The following RASAL3 variants were observed in gnomAD, a reference collection of about 807,000 sequenced individuals.
The protein encoded by RASAL3 is RAS protein activator like-3.
A neutral mutation model predicts 105.5 loss-of-function variants in RASAL3; 74 were observed. The ratio of observed to expected loss-of-function variants is 0.70; its 90% CI spans 0.58 to 0.85. The LOEUF (loss-of-function observed/expected upper bound fraction) is 0.85. Ranked by LOEUF, RASAL3 falls within the 40% of genes least tolerant of loss-of-function variation. The probability of loss-of-function intolerance (pLI) is 0.00; values close to 1 mark genes in which losing one functional copy is unlikely to be tolerated. For synonymous variants in RASAL3, 579 were observed against 591.6 expected, an observed-to-expected ratio of 0.98 and a Z score of 0.31; for missense variants, 1,352 against 1,392.0, an observed-to-expected ratio of 0.97 and a Z score of 0.46.
In RASAL3 at chr19:15,457,346, CT is replaced by C; in HGVS notation, c.1376del (p.Lys459ArgfsTer22). ...GCACCATGGCTGCCGCCAGCTCCTC[CT>C]TGGCCTGCGCAGGCAGCGCGGGCTC... ...ALEPALPAQA[K>X]EELAAAMVRV... On this transcript the variant is annotated frameshift_variant, in exon 9 of 18. Coordinates refer to ENST00000343625, the MANE Select transcript of RASAL3 (RefSeq NM_022904.3). LOFTEE classifies it high-confidence loss of function. The surrounding 1 kb of genome is among the most constrained non-coding windows in gnomAD (Gnocchi z 8.6). 1 of 1,403,170 alleles carries C rather than the reference CT, an allele frequency of 7.1e-7. No individual in the cohort carries two copies. The highest frequency in any genetic ancestry group is 3.2e-5 in the East Asian group (1 of 31,536). 86.9% of individuals were successfully genotyped at this position (1,403,170 alleles called of 1,614,324 possible). A position where few individuals can be genotyped will look rare whatever the true frequency, so the allele number is the denominator to read the frequency against.
chr19:15,456,653 A>C lies in RASAL3; in HGVS notation c.1432-7T>G. 6.2e-7 allele frequency: 1 copy of C among 1,610,360 alleles called. No individual in the cohort carries two copies. The highest frequency in any genetic ancestry group is 8.5e-7 in the Non-Finnish European group (1 of 1,179,068). ...CCAGGTCAGTCACCAGCGCCTAGGA[A>C]GGGCAGGAGGTCAGGTTGCACCAGA... On this transcript the variant is annotated splice_region_variant and splice_polypyrimidine_tract_variant and intron_variant, in intron 9 of 17. Transcript: ENST00000343625. The surrounding 1 kb of genome is among the most constrained non-coding windows in gnomAD (Gnocchi z 4.4).
At position 15,457,778 on chromosome 19, in the gene RASAL3, C is replaced by A. The variant is rs1030997185; in HGVS notation, c.945G>T (p.Gly315=). The change falls in exon 9 of 18, where the codon GGG becomes GGT. Residue 315 remains glycine (G), a synonymous_variant. Coordinates refer to ENST00000343625, the MANE Select transcript of RASAL3 (RefSeq NM_022904.3). The surrounding 1 kb of genome is among the most constrained non-coding windows in gnomAD (Gnocchi z 8.6). ...WLSVWVHEAK[G]LPRAAAGAPG... is the part of the protein sequence containing the mutation. The stretch of plus-strand genomic sequence containing the variant: ...GTGCCCCCGCCGCTGCTCGGGGAAG[C>A]CCCTTCGCTTCGTGCACCCACACGC... 6.5e-7 allele frequency: 1 copy of A among 1,547,860 alleles called. No individual in the cohort carries two copies. The highest frequency in any genetic ancestry group is 2.0e-5 in the Admixed American group (1 of 50,974).
Position 15,457,551 on chromosome 19 carries a change from T to C in RASAL3, c.1172A>G (p.Asp391Gly), listed in dbSNP as rs556008811. ...ACCGGCGGCAGGCGCGCGTGGGGCG[T>C]CCAGCTCCTCCAGCGCCAGGGCCAC... ...GRVALALEEL[D>G]APRAPAAGLE... Residue 391 changes from aspartate to glycine, a missense_variant, in exon 9 of 18, where the codon GAC becomes GGC. Transcript: ENST00000343625. This position sits in a 1 kb window ranked among gnomAD's most constrained non-coding sequence, Gnocchi z 8.6. The C allele has an allele frequency of 2.8e-3, 3,200 of 1,155,942 alleles. 71 individuals carry two copies. In the African/African-American group the frequency reaches 0.047, roughly 17 times the overall value. 71.6% of individuals were successfully genotyped at this position (1,155,942 alleles called of 1,614,324 possible). A position where few individuals can be genotyped will look rare whatever the true frequency, so the allele number is the denominator to read the frequency against.
At position 15,453,550 on chromosome 19, in the gene RASAL3, C is replaced by A. The variant is rs940881324; in HGVS notation, c.2280-53G>T. Reference sequence around the variant, plus strand: ...CCTCCACTGGCCCCTGAGACGACCCCATCCCGACCTGACCAGAAGTGACCT... The same window carrying A: ...CCTCCACTGGCCCCTGAGACGACCCAATCCCGACCTGACCAGAAGTGACCT... On this transcript the variant is annotated intron_variant, in intron 14 of 17. Transcript: ENST00000343625. The surrounding 1 kb of genome is among the most constrained non-coding windows in gnomAD (Gnocchi z 4.2). The A allele has an allele frequency of 2.9e-5, 42 of 1,450,362 alleles. No homozygotes were observed. The highest frequency in any genetic ancestry group is 3.6e-5 in the Non-Finnish European group (40 of 1,110,846). 89.8% of individuals were successfully genotyped at this position (1,450,362 alleles called of 1,614,324 possible). A position where few individuals can be genotyped will look rare whatever the true frequency, so the allele number is the denominator to read the frequency against.
In RASAL3 at chr19:15,458,331, G is replaced by T. The variant is rs1301531844; in HGVS notation, c.885C>A (p.Thr295=). The T allele has an allele frequency of 6.2e-7, 1 of 1,613,234 alleles. No individual in the cohort carries two copies. Among genetic ancestry groups the T allele is most frequent in the Non-Finnish European group, 8.5e-7 (1 of 1,179,608 alleles). ...CCGCTTTTCTGAGGGCAATGACCTG[G>T]GTGGGCTGGAATTGGCGACGAAGGT... ...IEDLRRQFQP[T]QDNVEREETW... is the part of the protein sequence containing the mutation. Residue 295 remains threonine, a synonymous_variant, in exon 8 of 18, where the codon ACC becomes ACA. Coordinates refer to ENST00000343625, the MANE Select transcript of RASAL3 (RefSeq NM_022904.3).
rs759303224 is a variant in RASAL3 at position 15,456,195 on chromosome 19, TG to T, written c.1629del (p.Ser544AlafsTer97). Reference protein sequence around the residue: ...CASTEDCEVDPSKCPASELPE... With the variant: ...CASTEDCEVDXSKCPASELPE... ...GGCAGCTCCGAGGCTGGACATTTGC[TG>T]GGGTCCACTTCACAGTCCTCAGTAG... On this transcript the variant is annotated frameshift_variant, in exon 11 of 18. Transcript: ENST00000343625. LOFTEE classifies it high-confidence loss of function. This position sits in a 1 kb window ranked among gnomAD's most constrained non-coding sequence, Gnocchi z 4.4. The T allele has an allele frequency of 3.1e-6, 5 of 1,613,790 alleles. No homozygotes were observed. Among genetic ancestry groups the T allele is most frequent in the Non-Finnish European group, 4.2e-6 (5 of 1,179,822 alleles).
intron 2 of RASAL3, 105 bp downstream of exon 2, chr19:15,463,926 C>A: frequency 8.9e-7 from 1 of 1,120,698 alleles, no homozygotes. Flanking sequence ...CTTTTGCACT[C>A]CCCACAACTT....
intron 2 of RASAL3, among the ~76,000 whole-genome samples, chr19:15,462,386 T>C (rs915695376): frequency 6.6e-6 from 1 of 152,170 alleles, no homozygotes; most frequent in African/African-American, 2.4e-5. Context: ...CTCAGGAGGC[T>C]GAGGCAGGAG....
In RASAL3 at chr19:15,453,627, G is replaced by T; in HGVS notation, c.2280-130C>A. 2 of 937,468 alleles carry T rather than the reference G, an allele frequency of 2.1e-6. No homozygotes were observed. The highest frequency in any genetic ancestry group is 3.0e-6 in the Non-Finnish European group (2 of 672,282). The allele number at this position is 937,468 out of a possible 1,614,324, so 58.1% of individuals were successfully genotyped here. Reference sequence around the variant, plus strand: ...TTTTTTTTTTTTGAGACAAGGTCTTGCTCTGTCGCCCAGGCTGGAGTGCAG... The same window carrying T: ...TTTTTTTTTTTTGAGACAAGGTCTTTCTCTGTCGCCCAGGCTGGAGTGCAG... On this transcript the variant is annotated intron_variant, in intron 14 of 17. Coordinates refer to ENST00000343625, the MANE Select transcript of RASAL3 (RefSeq NM_022904.3). The surrounding 1 kb of genome is among the most constrained non-coding windows in gnomAD (Gnocchi z 4.2).
chr19:15,452,945 G>A, intron 15 of RASAL3, 130 bp from the exon 16 acceptor site: 6 of 1,449,818 alleles, frequency 4.1e-6, no homozygotes, highest in Non-Finnish European at 5.6e-6. Context: ...TCCCTCCTGC[G>A]GTACAGCTGG....
chr19:15,463,888 A>C, intron 2 of RASAL3, 143 bp downstream of exon 2: 5 of 709,374 alleles, frequency 7.0e-6, no homozygotes, highest in South Asian at 2.0e-5. Flanking sequence ...GGAACAGGGT[A>C]GCTGGGCCCC....
Position 15,464,104 on chromosome 19 carries a change from G to T in RASAL3, c.255C>A (p.Leu85=). 3 of 1,612,660 alleles carry T rather than the reference G, an allele frequency of 1.9e-6. No homozygotes were observed. Among genetic ancestry groups the T allele is most frequent in the Non-Finnish European group, 2.5e-6 (3 of 1,179,330 alleles). Residue 85 remains leucine, a synonymous_variant, in exon 2 of 18, where the codon CTC becomes CTA. Coordinates refer to ENST00000343625, the MANE Select transcript of RASAL3 (RefSeq NM_022904.3). ...PKESRTSRLR[L]SKALWGRHKN... is the part of the protein sequence containing the mutation. ...TATGCCTCCCCCAGAGGGCCTTGGA[G>T]AGTCGAAGGCGACTGGTCCGTGACT... is the stretch of plus-strand genomic sequence containing the variant.
Position 15,456,213 on chromosome 19 carries a change from C to A in RASAL3, c.1612G>T (p.Asp538Tyr), listed in dbSNP as rs1970313548. The change falls in exon 11 of 18, where the codon GAC becomes TAC. Residue 538 changes from aspartate (D) to tyrosine (Y), a missense_variant. By Grantham distance (160) the Asp-to-Tyr change is radical. Around this residue, in one of 3 missense-constraint regions of RASAL3, gnomAD observed 920 missense variants for 919.6 expected, o/e 1.00. Coordinates refer to ENST00000343625, the MANE Select transcript of RASAL3 (RefSeq NM_022904.3). This position sits in a 1 kb window ranked among gnomAD's most constrained non-coding sequence, Gnocchi z 4.4. ...VVRRLCASTE[D>Y]CEVDPSKCPA... Reference sequence around the variant, plus strand: ...CATTTGCTGGGGTCCACTTCACAGTCCTCAGTAGAAGCACAGAGACGCCGC... The same window carrying A: ...CATTTGCTGGGGTCCACTTCACAGTACTCAGTAGAAGCACAGAGACGCCGC... 1.9e-6 allele frequency: 3 copies of A among 1,613,710 alleles called. No homozygotes were observed. The highest frequency in any genetic ancestry group is 2.5e-6 in the Non-Finnish European group (3 of 1,179,834).
Position 15,456,182 on chromosome 19 carries a change from G to A in RASAL3, c.1643C>T (p.Ala548Val), listed in dbSNP as rs767155707. The change falls in exon 11 of 18, where the codon GCC (alanine) becomes GTC (valine). Residue 548 changes from alanine to valine, a missense_variant. Physicochemically the swap from Ala to Val is moderately conservative, Grantham distance 64. This residue lies in a region of RASAL3 where 920 missense variants were observed against 919.6 expected (regional missense o/e 1.00). Coordinates refer to ENST00000343625, the MANE Select transcript of RASAL3 (RefSeq NM_022904.3). This position sits in a 1 kb window ranked among gnomAD's most constrained non-coding sequence, Gnocchi z 4.4. ...GGCCTGGTGCTCTGGCAGCTCCGAG[G>A]CTGGACATTTGCTGGGGTCCACTTC... is the stretch of plus-strand genomic sequence containing the variant. The part of the protein sequence containing the change: ...DCEVDPSKCP[A>V]SELPEHQARL... 16 of 1,613,808 alleles carry A rather than the reference G, an allele frequency of 9.9e-6. No individual in the cohort carries two copies. Among genetic ancestry groups the A allele is most frequent in the Non-Finnish European group, 1.3e-5 (15 of 1,179,818 alleles).
At chr19:15,460,351 G>A (rs1970471416) in intron 5 of RASAL3, 93 bp from the exon 6 acceptor site, 4 of 1,156,638 alleles carry the variant, frequency 3.5e-6, no homozygotes, top group Non-Finnish European at 5.1e-6. Context: ...ACTGGTCTTG[G>A]AGGACCAACA....
Position 15,454,183 on chromosome 19 carries a change from G to A in RASAL3, c.2245C>T (p.Arg749Cys), listed in dbSNP as rs1003206871. The A allele has an allele frequency of 1.3e-5, 20 of 1,568,122 alleles. No individual in the cohort carries two copies. Among genetic ancestry groups the A allele is most frequent in the African/African-American group, 4.1e-5 (3 of 73,884 alleles). ...ACCTGGGCCGGGGGCAGTGGGAGAC[G>A]CATTGGCACTGACACAAGCACAGGC... ...GQPVLVSVPM[R>C]LPLPPAQVHS... Residue 749 changes from arginine (R) to cysteine (C), a missense_variant, in exon 14 of 18, where the codon CGT becomes TGT. Arg to Cys is a radical substitution (Grantham distance 180). Coordinates refer to ENST00000343625, the MANE Select transcript of RASAL3 (RefSeq NM_022904.3).
intron 5 of RASAL3, 129 bp downstream of exon 5, chr19:15,460,922 TTTGACAGAC>T (rs1260719456): frequency 2.6e-6 from 2 of 755,666 alleles, no homozygotes; most frequent in African/African-American, 3.5e-5. Flanking sequence ...ATTAGCTTCA[TTTGACAGAC>T]TGGGACTCTG....
In RASAL3 at chr19:15,456,290, A is replaced by C. The variant is rs752847977; in HGVS notation, c.1577-42T>G. 1.3e-6 allele frequency: 2 copies of C among 1,598,660 alleles called. No individual in the cohort carries two copies. Among genetic ancestry groups the C allele is most frequent in the Non-Finnish European group, 8.5e-7 (1 of 1,170,368 alleles). On this transcript the variant is annotated intron_variant, in intron 10 of 17. Coordinates refer to ENST00000343625, the MANE Select transcript of RASAL3 (RefSeq NM_022904.3). The surrounding 1 kb of genome is among the most constrained non-coding windows in gnomAD (Gnocchi z 4.4). ...CCAGATAGGGGCTGGGGCCATGACC[A>C]CCAAAACCTGCCACACCCATCCTCC...
Position 15,453,461 on chromosome 19 carries a change from G to T in RASAL3, c.2316C>A (p.Pro772=), listed in dbSNP as rs1314677411. 9 of 1,545,742 alleles carry T rather than the reference G, an allele frequency of 5.8e-6. No individual in the cohort carries two copies. In the East Asian group the frequency reaches 2.0e-4, roughly 35 times the overall value. ...GAGGGGTGTGCTTGGGGAGGTCCCG[G>T]GGGGCCAGGAAGCCGGGCTTCTCCC... is the stretch of plus-strand genomic sequence containing the variant. ...SAGEKPGFLA[P]RDLPKHTPLI... Residue 772 remains proline, a synonymous_variant, in exon 15 of 18, where the codon CCC becomes CCA. Transcript: ENST00000343625. The surrounding 1 kb of genome is among the most constrained non-coding windows in gnomAD (Gnocchi z 4.2).
Sources: gnomAD v4.1 joint callset for allele counts (sites outside exome capture counted in the v4.1 genomes callset) on GRCh38, gnomAD v4.1.1 for gene constraint, gnomAD v4.1.1 regional missense constraint, Gnocchi (gnomAD v3.1) non-coding constraint, MANE v1.5 for transcripts, NCBI Gene and HGNC (gene_info 2026-07-23, HGNC 2026-07-21) for gene names.